Variants in LHX4 observed in about 807,000 individuals in gnomAD.
LHX4 encodes LIM/homeobox protein Lhx4.
A neutral mutation model predicts 39.2 loss-of-function variants in LHX4; 16 were observed. The ratio of observed to expected loss-of-function variants is 0.41; its 90% CI spans 0.28 to 0.62. LHX4 has a LOEUF of 0.62. Among genes scored for constraint, LHX4 ranks in the 20% least tolerant of loss-of-function variants. LHX4 has a pLI of 0.33. For synonymous variants in LHX4, 206 were observed against 198.1 expected (o/e 1.04, Z -0.33); for missense variants, 439 against 511.9 (o/e 0.86, Z 1.37).
At chr1:180,249,956 G>A (rs979410907) in intron 2 of LHX4, among the ~76,000 whole-genome samples, 1 of 151,574 alleles carries the variant, frequency 6.6e-6, no homozygotes, top group African/African-American at 2.4e-5. Flanking sequence ...GTGAGTGTGA[G>A]AGTGTGAGTG....
At chr1:180,241,673 C>G (rs749745704) in intron 1 of LHX4, among the ~76,000 whole-genome samples, 1 of 152,218 alleles carries the variant, frequency 6.6e-6, no homozygotes, top group Non-Finnish European at 1.5e-5. Context: ...GAGCTCAGGT[C>G]TGACTAGATC....
upstream of LHX4, among the ~76,000 whole-genome samples, chr1:180,228,951 T>TG (rs148654563): frequency 0.03 from 4,562 of 152,114 alleles, 249 homozygotes; most frequent in African/African-American, 0.1. Flanking sequence ...CCGTGGGGGC[T>TG]GGGGGCAGGA....
chr1:180,273,925 C>T, intron 5 of LHX4: 2 of 528,478 alleles, frequency 3.8e-6, no homozygotes, highest in Non-Finnish European at 6.8e-6. Flanking sequence ...CACAAGGGAC[C>T]AACGAGCTCA....
intron 1 of LHX4, among the ~76,000 whole-genome samples, chr1:180,241,515 G>A (rs1035176364): frequency 1.3e-5 from 2 of 152,040 alleles, no homozygotes; most frequent in African/African-American, 2.4e-5. Context: ...GTGAGGGCTC[G>A]GTGTTTTACA....
At chr1:180,261,285 C>T (rs916854418) in intron 2 of LHX4, among the ~76,000 whole-genome samples, 3 of 151,266 alleles carry the variant, frequency 2.0e-5, no homozygotes, top group Non-Finnish European at 2.9e-5. Flanking sequence ...GGGGAGTGGG[C>T]GGTAGAGAAG....
intron 2 of LHX4, among the ~76,000 whole-genome samples, chr1:180,252,320 G>T (rs894130139): frequency 1.3e-5 from 2 of 152,310 alleles, no homozygotes; most frequent in East Asian, 3.9e-4. Flanking sequence ...GGCTATAGAA[G>T]TCACATCTGT....
chr1:180,257,891 A>T (rs1378062237), intron 2 of LHX4, among the ~76,000 whole-genome samples: 1 of 152,198 alleles, frequency 6.6e-6, no homozygotes, highest in Admixed American at 6.5e-5. Context: ...CTGAGTTCAA[A>T]TCCCAGCTCC....
At chr1:180,255,927 C>T (rs1286025083) in intron 2 of LHX4, among the ~76,000 whole-genome samples, 2 of 152,228 alleles carry the variant, frequency 1.3e-5, no homozygotes, top group African/African-American at 4.8e-5. Context: ...ACGGGGTCCC[C>T]AGTGGGATCT....
intron 1 of LHX4, among the ~76,000 whole-genome samples, chr1:180,241,845 T>A (rs1056242325): frequency 1.3e-5 from 2 of 152,134 alleles, no homozygotes; most frequent in African/African-American, 4.8e-5. Flanking sequence ...TGAGACAGAG[T>A]CTTACTCTGT....
At position 180,234,168 on chromosome 1, in the gene LHX4, ATTATATATATATATAT is replaced by A; in HGVS notation, c.76+3564_76+3579del. ...AAACAGACACACACAACACACACAAATTATATATATATATATATATATATATATATATATATATATA... is the reference window on the plus strand; with the variant it reads ...AAACAGACACACACAACACACACAAAATATATATATATATATATATATATA... On this transcript the variant is annotated intron_variant, in intron 1 of 5. Coordinates refer to ENST00000263726, the MANE Select transcript of LHX4 (RefSeq NM_033343.4). This position sits in a 1 kb window ranked among gnomAD's most constrained non-coding sequence, Gnocchi z 4.8. 1.6e-5 allele frequency among the ~76,000 whole-genome samples: 1 copy of A among 64,002 alleles called. No individual in the cohort carries two copies. Among genetic ancestry groups the A allele is most frequent in the Non-Finnish European group, 3.1e-5 (1 of 32,112 alleles). 42.0% of individuals were successfully genotyped at this position (64,002 alleles called of 152,430 possible).
Position 180,230,690 on chromosome 1 carries a change from C to A in LHX4, c.76+85C>A. On this transcript the variant is annotated intron_variant, in intron 1 of 5. Coordinates refer to ENST00000263726, the MANE Select transcript of LHX4 (RefSeq NM_033343.4). The surrounding 1 kb of genome is among the most constrained non-coding windows in gnomAD (Gnocchi z 5.8). ...GCTGCGGGGCGGGCCGGACGCCGCT[C>A]AGGGGCCGGGAGGGGCTGGCGGCCG... The A allele has an allele frequency of 7.4e-7, 1 of 1,350,126 alleles. No individual in the cohort carries two copies. Among genetic ancestry groups the A allele is most frequent in the Non-Finnish European group, 1.0e-6 (1 of 953,048 alleles). 83.6% of individuals were successfully genotyped at this position (1,350,126 alleles called of 1,614,324 possible).
intron 1 of LHX4, among the ~76,000 whole-genome samples, chr1:180,247,989 G>A (rs1207016741): frequency 1.3e-5 from 2 of 152,228 alleles, no homozygotes; most frequent in East Asian, 3.8e-4. Flanking sequence ...GTTAGCTGCT[G>A]CTGCTAGCCT....
rs751030263 is a variant in LHX4 at position 180,274,623 on chromosome 1, A to ATATC, written c.*46_*49dup. Reference sequence around the variant, plus strand: ...CTACCTGCCCCCCTGGCTTGAGAGAATATCTTCAAGGATCAAAAGAGACTT... The same window carrying ATATC: ...CTACCTGCCCCCCTGGCTTGAGAGAATATCTATCTTCAAGGATCAAAAGAGACTT... On this transcript the variant is annotated 3_prime_UTR_variant, in exon 6 of 6. Transcript: ENST00000263726. 3.3e-6 allele frequency: 5 copies of ATATC among 1,512,852 alleles called. No homozygotes were observed. The East Asian group carries it at 9.1e-5, about 27-fold the overall frequency. The allele number at this position is 1,512,852 out of a possible 1,614,324, so 93.7% of individuals were successfully genotyped here.
At position 180,245,993 on chromosome 1, in the gene LHX4, A is replaced by C. The variant is rs545727152; in HGVS notation, c.77-2292A>C. Among the ~76,000 whole-genome samples, 5 of 152,140 alleles carry C rather than the reference A, an allele frequency of 3.3e-5. No individual in the cohort carries two copies. In the South Asian group the frequency reaches 1.0e-3, roughly 32 times the overall value. ...TGGACTGCGTATTCCTCAAGGAGGA[A>C]AACTGTGGAGATAGAAAAAAAAAAA... is the stretch of plus-strand genomic sequence containing the variant. On this transcript the variant is annotated intron_variant, in intron 1 of 5. Coordinates refer to ENST00000263726, the MANE Select transcript of LHX4 (RefSeq NM_033343.4).
At chr1:180,242,703 G>A (rs1170900258) in intron 1 of LHX4, among the ~76,000 whole-genome samples, 2 of 152,140 alleles carry the variant, frequency 1.3e-5, no homozygotes, top group African/African-American at 2.4e-5. Context: ...TTCTTTGGCT[G>A]TTCCAGGGAC....
At chr1:180,264,365 TACACACACACATAACACACACACAC>T (rs1329322551) in intron 2 of LHX4, among the ~76,000 whole-genome samples, 6 of 109,620 alleles carry the variant, frequency 5.5e-5, no homozygotes, top group Middle Eastern at 4.7e-3. Flanking sequence ...TTCTCTGTTA[TACACACACACATAACACACACACAC>T]ACACACACAC....
chr1:180,258,983 CG>C (rs1647987275), intron 2 of LHX4, among the ~76,000 whole-genome samples: 2 of 151,686 alleles, frequency 1.3e-5, no homozygotes, highest in South Asian at 2.1e-4. Flanking sequence ...GCAGAGGGTG[CG>C]GGGGGTGTTG....
At chr1:180,254,031 G>A (rs774412619) in intron 2 of LHX4, among the ~76,000 whole-genome samples, 6 of 152,326 alleles carry the variant, frequency 3.9e-5, no homozygotes, top group South Asian at 2.1e-4. Flanking sequence ...GAATTGAAGC[G>A]AGGGCAACGT....
chr1:180,267,170 G>A (rs1255179823), intron 3 of LHX4, among the ~76,000 whole-genome samples: 1 of 152,216 alleles, frequency 6.6e-6, no homozygotes, highest in African/African-American at 2.4e-5. Flanking sequence ...GCTAAAAGAA[G>A]AGGCAGGACA....
Sources: allele counts gnomAD v4.1 joint callset (sites outside exome capture counted in the v4.1 genomes callset), GRCh38; gene constraint gnomAD v4.1.1; non-coding constraint Gnocchi (gnomAD v3.1); transcripts MANE v1.5; gene names NCBI Gene and HGNC (gene_info 2026-07-23, HGNC 2026-07-21).